MED9: variants seen among roughly 807,000 people sequenced by gnomAD.
The protein encoded by MED9 is mediator complex subunit 9, also known as mediator of RNA polymerase II transcription subunit 9.
Under a neutral mutation model 13.2 loss-of-function variants are expected in MED9, and 8 were observed. The ratio of observed to expected loss-of-function variants is 0.61; its 90% confidence interval spans 0.36 to 1.10. MED9 has a LOEUF of 1.10. Among genes scored for constraint, MED9 ranks in the 50% least tolerant of loss-of-function variants. The pLI is 0.02. For synonymous variants in MED9, 87 were observed against 82.8 expected, an observed-to-expected ratio of 1.05 and a Z score of -0.28; for missense variants, 180 against 193.4, an observed-to-expected ratio of 0.93 and a Z score of 0.41.
In MED9 at chr17:17,483,453, C is replaced by T. The variant is rs1905066422; in HGVS notation, c.224+6188C>T. Among the ~76,000 whole-genome samples, 1 of 152,178 alleles carries T rather than the reference C, an allele frequency of 6.6e-6. No individual in the cohort carries two copies. The highest frequency in any genetic ancestry group is 1.5e-5 in the Non-Finnish European group (1 of 68,040). On this transcript the variant is annotated intron_variant, in intron 1 of 1. Coordinates refer to ENST00000268711, the MANE Select transcript of MED9 (RefSeq NM_018019.3). This position sits in a 1 kb window ranked among gnomAD's most constrained non-coding sequence, Gnocchi z 4.2. The stretch of plus-strand genomic sequence containing the variant: ...CTCCAGCCCCTCCACTAGAAGTGCC[C>T]ACAGAAATGCTGCACAGAGCCCTGT...
At chr17:17,484,546 C>A (rs886158236) in intron 1 of MED9, among the ~76,000 whole-genome samples, 1 of 152,248 alleles carries the variant, frequency 6.6e-6, no homozygotes, top group Admixed American at 6.5e-5. Context: ...CAGGAAGCGG[C>A]CCCCGCTAAG....
chr17:17,491,109 G>T (rs1905218429), intron 1 of MED9, among the ~76,000 whole-genome samples, 170 bp from the exon 2 acceptor site: 1 of 152,162 alleles, frequency 6.6e-6, no homozygotes, highest in African/African-American at 2.4e-5. Context: ...GCCTAAAAAA[G>T]AACCCGTCCC....
Position 17,477,136 on chromosome 17 carries a change from C to T in MED9, c.95C>T (p.Pro32Leu). 1 of 1,608,072 alleles carries T rather than the reference C, an allele frequency of 6.2e-7. No individual in the cohort carries two copies. Among genetic ancestry groups the T allele is most frequent in the Non-Finnish European group, 8.5e-7 (1 of 1,178,154 alleles). The part of the protein sequence containing the change: ...QPLPDTKPLP[P>L]PQPPPVPAPQ... ...CTGCCTGACACCAAGCCGCTGCCGC[C>T]TCCTCAGCCGCCGCCGGTCCCTGCG... Residue 32 changes from proline (P) to leucine (L), a missense_variant, in exon 1 of 2, where the codon CCT becomes CTT. By Grantham distance (98) the Pro-to-Leu change is moderately conservative. Coordinates refer to ENST00000268711, the MANE Select transcript of MED9 (RefSeq NM_018019.3).
rs1381486800 is a variant in MED9, at chr17:17,477,057, G to A, written c.16G>A (p.Val6Met). 1.9e-6 allele frequency: 3 copies of A among 1,606,282 alleles called. No homozygotes were observed. The highest frequency in any genetic ancestry group is 1.3e-5 in the African/African-American group (1 of 74,804). Residue 6 changes from valine to methionine, a missense_variant, in exon 1 of 2, where the codon GTG (valine) becomes ATG (methionine). Transcript: ENST00000268711. MASAG[V>M]AAGRQAEDVL... The stretch of plus-strand genomic sequence containing the variant: ...CCCCGGAGCCATGGCCTCTGCTGGG[G>A]TGGCAGCCGGGCGACAGGCGGAGGA...
chr17:17,477,715 T>A (rs1276878952), intron 1 of MED9: 1 of 155,904 alleles, frequency 6.4e-6, no homozygotes, highest in Non-Finnish European at 1.4e-5. Flanking sequence ...CCCCCAAAGG[T>A]TTAGATAGAA....
chr17:17,485,988 T>C (rs1905121058), intron 1 of MED9: 1 of 151,922 alleles, frequency 6.6e-6, no homozygotes, highest in Non-Finnish European at 1.5e-5. Context: ...AGGTAAGTAG[T>C]AGCCAGTATC....
At position 17,491,706 on chromosome 17, in the gene MED9, A is replaced by G; in HGVS notation, c.*211A>G. 2 of 550,764 alleles carry G rather than the reference A, an allele frequency of 3.6e-6. No individual in the cohort carries two copies. The highest frequency in any genetic ancestry group is 6.4e-6 in the Non-Finnish European group (2 of 310,140). 34.1% of individuals were successfully genotyped at this position (550,764 alleles called of 1,614,324 possible). On this transcript the variant is annotated 3_prime_UTR_variant, in exon 2 of 2. Transcript: ENST00000268711. ...CCGGGGGTTCCTCGTGTAGATCCAT[A>G]TGTCTAGATGCATAATAACTGGAGT...
intron 1 of MED9, among the ~76,000 whole-genome samples, chr17:17,489,584 G>A (rs1168094436): frequency 1.3e-5 from 2 of 152,190 alleles, no homozygotes; most frequent in Admixed American, 1.3e-4. Context: ...TTTCAGAAGT[G>A]CAGATGGTTT....
chr17:17,491,519 G>A lies in MED9; in HGVS notation c.*24G>A, dbSNP rs1342332672. 5.0e-6 allele frequency: 8 copies of A among 1,585,754 alleles called. No individual in the cohort carries two copies. The highest frequency in any genetic ancestry group is 2.2e-5 in the East Asian group (1 of 44,748). On this transcript the variant is annotated 3_prime_UTR_variant, in exon 2 of 2. Transcript: ENST00000268711. ...AGAGTGAGGCTGACTTCCTTAGAAA[G>A]AGGGGGAAGCCAATGGCCTGTCTCC...
chr17:17,482,820 T>C (rs541673233), intron 1 of MED9, among the ~76,000 whole-genome samples: 1 of 152,350 alleles, frequency 6.6e-6, no homozygotes, highest in East Asian at 1.9e-4. Context: ...GTTAGCCACA[T>C]CTTCCCACTG....
intron 1 of MED9, 191 bp downstream of exon 1, chr17:17,477,456 G>T: frequency 1.7e-6 from 1 of 598,196 alleles, no homozygotes; most frequent in South Asian, 2.3e-5. Context: ...AACGATTTGA[G>T]CCTCGAGAGG....
chr17:17,491,933 A>G lies in MED9; in HGVS notation c.*438A>G, dbSNP rs565835199. 1.7e-3 allele frequency: 367 copies of G among 214,938 alleles called. 1 individual carries two copies. Among genetic ancestry groups the G allele is most frequent in the Non-Finnish European group, 2.7e-3 (279 of 105,278 alleles). The allele number at this position is 214,938 out of a possible 1,614,324, so 13.3% of individuals were successfully genotyped here. ...TAGGATCAGTGTGTACCAGGTACAC[A>G]TTGTTCCTGTTAACAGCAGCTTCTT... On this transcript the variant is annotated 3_prime_UTR_variant, in exon 2 of 2. Coordinates refer to ENST00000268711, the MANE Select transcript of MED9 (RefSeq NM_018019.3).
chr17:17,489,709 T>C (rs1030256150), intron 1 of MED9, among the ~76,000 whole-genome samples: 2 of 152,222 alleles, frequency 1.3e-5, no homozygotes, highest in Non-Finnish European at 2.9e-5. Context: ...TCATCCTCTC[T>C]AGAATCTGCG....
intron 1 of MED9, 83 bp downstream of exon 1, chr17:17,477,348 G>T: frequency 1.4e-6 from 2 of 1,419,622 alleles, no homozygotes; most frequent in South Asian, 1.4e-5. Flanking sequence ...AGGCCTTGGC[G>T]CTCTGGGGCA....
chr17:17,481,973 T>C (rs930789986), intron 1 of MED9, among the ~76,000 whole-genome samples: 1 of 152,188 alleles, frequency 6.6e-6, no homozygotes, highest in Non-Finnish European at 1.5e-5. Flanking sequence ...CCAGAAAGCA[T>C]TAAACAAAAA....
intron 1 of MED9, chr17:17,485,097 C>T (rs1425822820): frequency 6.5e-6 from 2 of 307,734 alleles, no homozygotes; most frequent in Non-Finnish European, 1.2e-5. Flanking sequence ...CTCTGGCTCC[C>T]AGGTTCACTT....
chr17:17,483,463 C>T lies in MED9; in HGVS notation c.224+6198C>T, dbSNP rs1905066472. Among the ~76,000 whole-genome samples, 2 of 152,190 alleles carry T rather than the reference C, an allele frequency of 1.3e-5. No homozygotes were observed. The highest frequency in any genetic ancestry group is 2.9e-5 in the Non-Finnish European group (2 of 68,040). ...TCCACTAGAAGTGCCCACAGAAATG[C>T]TGCACAGAGCCCTGTGAACCAGAGC... On this transcript the variant is annotated intron_variant, in intron 1 of 1. Transcript: ENST00000268711. The surrounding 1 kb of genome is among the most constrained non-coding windows in gnomAD (Gnocchi z 4.2).
intron 1 of MED9, among the ~76,000 whole-genome samples, chr17:17,490,732 A>G (rs1005424818): frequency 5.3e-5 from 8 of 152,356 alleles, no homozygotes; most frequent in Admixed American, 5.2e-4. Context: ...GGTTCAAGCC[A>G]GCATCAAAAC....
At chr17:17,489,104 T>C (rs1230677474) in intron 1 of MED9, among the ~76,000 whole-genome samples, 2 of 152,244 alleles carry the variant, frequency 1.3e-5, no homozygotes, top group Admixed American at 6.5e-5. Flanking sequence ...CTGAATAGCA[T>C]GTTCTCTTCA....
Sources: gnomAD v4.1 joint callset for allele counts (sites outside exome capture counted in the v4.1 genomes callset) on GRCh38, gnomAD v4.1.1 for gene constraint, Gnocchi (gnomAD v3.1) non-coding constraint, MANE v1.5 for transcripts, NCBI Gene and HGNC (gene_info 2026-07-23, HGNC 2026-07-21) for gene names.